The following ARHGEF11 variants were observed in gnomAD, a reference collection of about 807,000 sequenced individuals.
ARHGEF11 encodes Rho guanine exchange factor (GEF) 11.
ARHGEF11 carries 55 observed loss-of-function variants against 193.7 expected under a neutral mutation model. The observed-to-expected ratio is 0.28, with a 90% CI of 0.23 to 0.36. ARHGEF11 has a LOEUF of 0.36. Among genes scored for constraint, ARHGEF11 ranks in the 10% least tolerant of loss-of-function variants. The pLI is 1.00. For missense variants in ARHGEF11, 1,723 were observed against 2,005.6 expected, an observed-to-expected ratio of 0.86 and a Z score of 2.69; for synonymous variants, 693 against 768.0, an observed-to-expected ratio of 0.90 and a Z score of 1.62.
At chr1:156,946,418 G>A (rs1658129143) in intron 28 of ARHGEF11, among the ~76,000 whole-genome samples, 1 of 152,206 alleles carries the variant, frequency 6.6e-6, no homozygotes, top group African/African-American at 2.4e-5. Context: ...AGGAAACTGA[G>A]ATCCATCTCA....
intron 1 of ARHGEF11, among the ~76,000 whole-genome samples, chr1:157,007,791 T>G (rs1310325946): frequency 6.6e-6 from 1 of 152,184 alleles, no homozygotes; most frequent in Non-Finnish European, 1.5e-5. Context: ...TTCCTGATAC[T>G]TCCTGTTCTG....
At chr1:157,005,656 A>G (rs1369946109) in intron 1 of ARHGEF11, among the ~76,000 whole-genome samples, 2 of 152,216 alleles carry the variant, frequency 1.3e-5, no homozygotes, top group African/African-American at 4.8e-5. Context: ...CCTAACTTCA[A>G]TCCTCACAAA....
At chr1:156,969,188 A>G (rs1416599918) in intron 10 of ARHGEF11, 94 bp downstream of exon 10, 4 of 989,856 alleles carry the variant, frequency 4.0e-6, no homozygotes, top group Non-Finnish European at 6.2e-6. Context: ...AGGCACACAG[A>G]GGCCTCAGTG....
intron 1 of ARHGEF11, among the ~76,000 whole-genome samples, 191 bp downstream of exon 1, chr1:157,044,108 C>G (rs527350665): frequency 6.6e-6 from 1 of 152,142 alleles, no homozygotes; most frequent in African/African-American, 2.4e-5. Context: ...ATTCAAAAGA[C>G]GCTGAATCAA....
At chr1:156,983,245 C>T (rs1350719740) in intron 3 of ARHGEF11, among the ~76,000 whole-genome samples, 1 of 151,886 alleles carries the variant, frequency 6.6e-6, no homozygotes, top group Non-Finnish European at 1.5e-5. Context: ...GTTTTTGAGA[C>T]GGAGTCTCGC....
rs758779148 is a variant in ARHGEF11 at position 156,943,954 on chromosome 1, G to A, written c.3216C>T (p.Leu1072=). ...FSPVLKLNAV[L]IRSVATDKRA... is the part of the protein sequence containing the mutation. The stretch of plus-strand genomic sequence containing the variant: ...AGGTACCTGTGGCCACAGAGCGGAT[G>A]AGCACAGCATTGAGCTTGAGCACGG... The change falls in exon 32 of 41, where the codon CTC becomes CTT. Residue 1072 remains leucine (L), a synonymous_variant. Transcript: ENST00000368194. 45 of 1,613,612 alleles carry A rather than the reference G, an allele frequency of 2.8e-5. No homozygotes were observed. Among genetic ancestry groups the A allele is most frequent in the Non-Finnish European group, 3.7e-5 (44 of 1,179,752 alleles).
Position 156,939,730 on chromosome 1 carries a change from G to C in ARHGEF11, c.3914C>G (p.Thr1305Ser). The change falls in exon 37 of 41, where the codon ACC becomes AGC. Residue 1305 changes from threonine (T) to serine (S), a missense_variant. Physicochemically the swap from Thr to Ser is moderately conservative, Grantham distance 58. Transcript: ENST00000368194. ...TTCCCCCTCCAGCCCTGCAAGCTGGGTGTTGTCCCCTTCACCCCCAGGGGG... is the reference window on the plus strand; with the variant it reads ...TTCCCCCTCCAGCCCTGCAAGCTGGCTGTTGTCCCCTTCACCCCCAGGGGG... ...QAPPGGEGDN[T>S]QLAGLEGERP... The C allele has an allele frequency of 6.2e-7, 1 of 1,614,110 alleles. No homozygotes were observed. Among genetic ancestry groups the C allele is most frequent in the Non-Finnish European group, 8.5e-7 (1 of 1,180,020 alleles).
chr1:156,941,716 C>A, intron 34 of ARHGEF11, 148 bp downstream of exon 34: 1 of 1,241,692 alleles, frequency 8.1e-7, no homozygotes. Flanking sequence ...GCATGTTCCT[C>A]CATCTGCCAG....
chr1:156,941,480 C>A, intron 34 of ARHGEF11, 47 bp from the exon 35 acceptor site: 1 of 1,580,742 alleles, frequency 6.3e-7, no homozygotes, highest in Non-Finnish European at 8.7e-7. Flanking sequence ...AGATTCCACC[C>A]TGGACTCATG....
Position 157,044,800 on chromosome 1 carries a change from A to C in ARHGEF11, c.-470T>G, listed in dbSNP as rs1429602085. 3 of 341,280 alleles carry C rather than the reference A, an allele frequency of 8.8e-6. No individual in the cohort carries two copies. The East Asian group carries it at 1.3e-4, about 15-fold the overall frequency. The allele number at this position is 341,280 out of a possible 1,614,324, so 21.1% of individuals were successfully genotyped here. ...AAGAGACCCTCTAGCTCAAAGGGGG[A>C]AAGTAATTTTCTAGTCTCCAATGCT... On this transcript the variant is annotated 5_prime_UTR_variant, in exon 1 of 41. Transcript: ENST00000368194.
rs76844069 is a variant in ARHGEF11 at position 156,978,448 on chromosome 1, G to A, written c.332-66C>T. The A allele has an allele frequency of 4.8e-3, 7,254 of 1,508,092 alleles. 313 individuals carry two copies. The African/African-American group carries it at 0.092, about 19-fold the overall frequency. The allele number at this position is 1,508,092 out of a possible 1,614,324, so 93.4% of individuals were successfully genotyped here. A position where few individuals can be genotyped will look rare whatever the true frequency, so the allele number is the denominator to read the frequency against. On this transcript the variant is annotated intron_variant, in intron 5 of 40. Coordinates refer to ENST00000368194, the MANE Select transcript of ARHGEF11 (RefSeq NM_198236.3). Reference sequence around the variant, plus strand: ...TCTGGAGAGACAGTCCAGCTATACAGGAGGGGGCTGTTCTCCCTTGTCCTG... The same window carrying A: ...TCTGGAGAGACAGTCCAGCTATACAAGAGGGGGCTGTTCTCCCTTGTCCTG...
chr1:157,001,356 G>T (rs908644273), intron 1 of ARHGEF11, among the ~76,000 whole-genome samples: 2 of 152,138 alleles, frequency 1.3e-5, no homozygotes, highest in African/African-American at 4.8e-5. Context: ...CAGAAGGCCA[G>T]CCAAGAGAAA....
intron 21 of ARHGEF11, 89 bp downstream of exon 21, chr1:156,954,803 T>C (rs1659708028): frequency 6.4e-6 from 7 of 1,090,914 alleles, no homozygotes; most frequent in African/African-American, 1.6e-5. Context: ...GGATGGGAGA[T>C]GATGAGAAAG....
intron 1 of ARHGEF11, among the ~76,000 whole-genome samples, chr1:157,027,952 G>A (rs1307951155): frequency 6.6e-6 from 1 of 152,152 alleles, no homozygotes. Flanking sequence ...TCCCTGAAGA[G>A]CTCTAGCTGT....
intron 1 of ARHGEF11, among the ~76,000 whole-genome samples, chr1:157,024,435 T>A (rs1453126833): frequency 6.6e-6 from 1 of 152,156 alleles, no homozygotes; most frequent in African/African-American, 2.4e-5. Context: ...AAGAAGAATA[T>A]ACATGAAAAT....
intron 1 of ARHGEF11, among the ~76,000 whole-genome samples, chr1:157,036,666 T>C (rs1470305292): frequency 6.6e-6 from 1 of 152,104 alleles, no homozygotes; most frequent in Non-Finnish European, 1.5e-5. Flanking sequence ...CTAAAACTAT[T>C]TGGTAGAAAT....
rs186910518 is a variant in ARHGEF11, at chr1:156,937,017, G to C, written c.4441-12C>G. The C allele has an allele frequency of 4.3e-6, 7 of 1,609,990 alleles. No homozygotes were observed. Among genetic ancestry groups the C allele is most frequent in the Non-Finnish European group, 5.9e-6 (7 of 1,176,758 alleles). On this transcript the variant is annotated splice_polypyrimidine_tract_variant and intron_variant, in intron 39 of 40. Coordinates refer to ENST00000368194, the MANE Select transcript of ARHGEF11 (RefSeq NM_198236.3). ...GCCAGCTCCATATCCTGGAAGAGTC[G>C]GCGGGGGAATGTCTGCTCGAGTCCT... is the stretch of plus-strand genomic sequence containing the variant.
rs372308214 is a variant in ARHGEF11 at position 156,959,138 on chromosome 1, C to T, written c.1287G>A (p.Ser429=). The T allele has an allele frequency of 1.4e-5, 22 of 1,613,926 alleles. No homozygotes were observed. The highest frequency in any genetic ancestry group is 4.5e-5 in the East Asian group (2 of 44,860). The stretch of plus-strand genomic sequence containing the variant: ...GGGCATCTTCGCTGTTCCGCAGGCG[C>T]GAGTCTGTAGTGGGAGATCAGAGAA... ...IPEMLQAEID[S]RLRNSEDARG... The change falls in exon 16 of 41, where the codon TCG becomes TCA. Residue 429 remains serine (S), a synonymous_variant. Transcript: ENST00000368194.
Position 156,971,787 on chromosome 1 carries a change from G to A in ARHGEF11, c.612C>T (p.Pro204=), listed in dbSNP as rs747953086. The A allele has an allele frequency of 3.0e-5, 48 of 1,613,628 alleles. No homozygotes were observed. Among genetic ancestry groups the A allele is most frequent in the Non-Finnish European group, 3.6e-5 (43 of 1,179,982 alleles). Residue 204 remains proline, a synonymous_variant, in exon 8 of 41, where the codon CCC becomes CCT. Coordinates refer to ENST00000368194, the MANE Select transcript of ARHGEF11 (RefSeq NM_198236.3). ...QRICEVYSRN[P]ASLLEEQIEG... ...CGATCTGCTCTTCCAGTAGGCTGGC[G>A]GGGTTCCGGCTATAGACCTCACAGA...
Sources: allele counts gnomAD v4.1 joint callset (sites outside exome capture counted in the v4.1 genomes callset), GRCh38; gene constraint gnomAD v4.1.1; transcripts MANE v1.5; gene names NCBI Gene and HGNC (gene_info 2026-07-23, HGNC 2026-07-21).